Variants in SPOCK3 observed in about 807,000 individuals in gnomAD.
The protein encoded by SPOCK3 is testican-3.
A neutral mutation model predicts 56.6 loss-of-function variants in SPOCK3; 30 were observed. The ratio of observed to expected loss-of-function variants is 0.53; its 90% confidence interval spans 0.40 to 0.72. The LOEUF is 0.72. SPOCK3 is among the 30% of genes least tolerant of loss of function. The pLI, the probability that SPOCK3 is intolerant of heterozygous loss-of-function variation, is 0.00. For missense variants in SPOCK3, 527 were observed against 530.0 expected, an observed-to-expected ratio of 0.99 and a Z score of 0.06; for synonymous variants, 196 against 183.3, an observed-to-expected ratio of 1.07 and a Z score of -0.56.
intron 2 of SPOCK3, among the ~76,000 whole-genome samples, chr4:167,080,022 T>C (rs1757565608): frequency 6.6e-6 from 1 of 151,968 alleles, no homozygotes; most frequent in Non-Finnish European, 1.5e-5. Context: ...ATCTGCTATC[T>C]GGGGGGAGGA....
intron 3 of SPOCK3, among the ~76,000 whole-genome samples, chr4:167,018,420 G>GACA (rs1321452254): frequency 1.3e-5 from 2 of 152,008 alleles, no homozygotes. Flanking sequence ...AGTGGGATGA[G>GACA]GAAAATTCTT....
At chr4:167,117,844 G>A (rs1447671865) in intron 2 of SPOCK3, among the ~76,000 whole-genome samples, 4 of 152,120 alleles carry the variant, frequency 2.6e-5, no homozygotes, top group African/African-American at 9.7e-5. Flanking sequence ...GGAGAACAAA[G>A]TCTGACTAAA....
Position 166,889,122 on chromosome 4 carries a change from T to C in SPOCK3, c.589+8A>G. The C allele has an allele frequency of 1.3e-6, 2 of 1,520,490 alleles. No homozygotes were observed. Among genetic ancestry groups the C allele is most frequent in the Non-Finnish European group, 1.8e-6 (2 of 1,096,116 alleles). 94.2% of individuals were successfully genotyped at this position (1,520,490 alleles called of 1,614,324 possible). On this transcript the variant is annotated splice_region_variant and intron_variant, in intron 6 of 10. Transcript: ENST00000357545. ...ATGTAAAATTATAAATATATTTTTG[T>C]CACTTACCTCTCTTAACATTTCTGC...
intron 3 of SPOCK3, among the ~76,000 whole-genome samples, chr4:167,045,332 A>G (rs1240263430): frequency 1.3e-5 from 2 of 152,032 alleles, no homozygotes; most frequent in African/African-American, 4.8e-5. Flanking sequence ...CTTGTATTTG[A>G]CCCACTATGA....
chr4:166,775,387 T>C (rs2219238), intron 7 of SPOCK3, among the ~76,000 whole-genome samples: 95,628 of 151,988 alleles, frequency 0.63, 31,444 homozygotes, highest in Non-Finnish European at 0.74. Context: ...GCTGAAATAA[T>C]GGACTTGACA....
chr4:167,084,334 A>AT (rs1465519640), intron 2 of SPOCK3, among the ~76,000 whole-genome samples: 1 of 151,718 alleles, frequency 6.6e-6, no homozygotes, highest in Non-Finnish European at 1.5e-5. Flanking sequence ...ACTATTGCAT[A>AT]TTTTTTCTTT....
intron 2 of SPOCK3, among the ~76,000 whole-genome samples, chr4:167,198,249 C>A (rs1287832276): frequency 2.6e-5 from 4 of 151,812 alleles, no homozygotes; most frequent in Admixed American, 6.6e-5. Context: ...TGCTTAGTAT[C>A]AAAAAAAATT....
rs115771969 is a variant in SPOCK3 at position 166,926,890 on chromosome 4, C to A, written c.351-14147G>T. Among the ~76,000 whole-genome samples, 955 of 152,212 alleles carry A rather than the reference C, an allele frequency of 6.3e-3. 5 individuals carry two copies. The highest frequency in any genetic ancestry group is 7.6e-3 in the Non-Finnish European group (517 of 68,012). On this transcript the variant is annotated intron_variant, in intron 4 of 10. Transcript: ENST00000357545. ...TAAAGCAAGAGAGGAGTCTGTCTCT[C>A]TCGCGTTTCAACATTTCCGTAAGGT...
At chr4:167,205,322 ATATAATATATATTATATAT>A (rs1734018793) in intron 2 of SPOCK3, among the ~76,000 whole-genome samples, 1 of 50,606 alleles carries the variant, frequency 2.0e-5, no homozygotes, top group Non-Finnish European at 3.4e-5. Flanking sequence ...TATTTTATAT[ATATAATATATATTATATAT>A]TATATATATA....
At chr4:166,982,099 C>T (rs1022587051) in intron 4 of SPOCK3, among the ~76,000 whole-genome samples, 5 of 152,120 alleles carry the variant, frequency 3.3e-5, no homozygotes, top group South Asian at 2.1e-4. Context: ...ACAGCGCTCC[C>T]GCCCTGCTGA....
intron 3 of SPOCK3, among the ~76,000 whole-genome samples, chr4:167,027,627 C>T (rs534430017): frequency 1.3e-5 from 2 of 151,958 alleles, no homozygotes; most frequent in Non-Finnish European, 2.9e-5. Flanking sequence ...GAAGCCTTAC[C>T]GTTAACAGTC....
At chr4:167,204,345 A>C (rs1474122409) in intron 2 of SPOCK3, among the ~76,000 whole-genome samples, 1 of 152,120 alleles carries the variant, frequency 6.6e-6, no homozygotes, top group African/African-American at 2.4e-5. Context: ...GAGACTGAAT[A>C]ATTTATAAAG....
chr4:166,854,156 A>G (rs1430743969), intron 6 of SPOCK3, among the ~76,000 whole-genome samples: 2 of 152,136 alleles, frequency 1.3e-5, no homozygotes, highest in Non-Finnish European at 2.9e-5. Context: ...CTCCCTCCCA[A>G]AGCAAAGAAG....
At position 167,041,626 on chromosome 4, in the gene SPOCK3, T is replaced by C. The variant is rs557533107; in HGVS notation, c.235+20866A>G. Among the ~76,000 whole-genome samples the C allele has an allele frequency of 2.0e-5, 3 of 152,236 alleles. No individual in the cohort carries two copies. In the East Asian group the frequency reaches 5.8e-4, roughly 29 times the overall value. The stretch of plus-strand genomic sequence containing the variant: ...ATGTATGTGAAAAATACTCTGAAAA[T>C]GCTCTAACAAGGGGCAAAATCACTA... On this transcript the variant is annotated intron_variant, in intron 3 of 10. Coordinates refer to ENST00000357545, the MANE Select transcript of SPOCK3 (RefSeq NM_001040159.2).
intron 7 of SPOCK3, among the ~76,000 whole-genome samples, chr4:166,783,060 G>C (rs1448841658): frequency 6.6e-6 from 1 of 152,116 alleles, no homozygotes; most frequent in Non-Finnish European, 1.5e-5. Context: ...ATCTTTGTAT[G>C]AAAATGAAGT....
chr4:167,051,901 T>G (rs1754244091), intron 3 of SPOCK3, among the ~76,000 whole-genome samples: 2 of 152,226 alleles, frequency 1.3e-5, no homozygotes, highest in Admixed American at 6.5e-5. Context: ...ACTGAACACC[T>G]TCTAAATTAA....
intron 4 of SPOCK3, among the ~76,000 whole-genome samples, chr4:166,923,014 C>T (rs185501254): frequency 3.8e-4 from 58 of 152,282 alleles, no homozygotes; most frequent in African/African-American, 8.7e-4. Flanking sequence ...AATCTCTCAC[C>T]GTTAGGAATC....
intron 4 of SPOCK3, among the ~76,000 whole-genome samples, chr4:166,964,899 T>C (rs1404386484): frequency 6.6e-6 from 1 of 151,888 alleles, no homozygotes; most frequent in Non-Finnish European, 1.5e-5. Flanking sequence ...ATGCTATTAT[T>C]TTGTGACTCC....
At chr4:166,881,527 TC>T (rs1733691496) in intron 6 of SPOCK3, among the ~76,000 whole-genome samples, 2 of 152,058 alleles carry the variant, frequency 1.3e-5, no homozygotes, top group African/African-American at 2.4e-5. Context: ...TTATTTTCGC[TC>T]CACAAAACAT....
Sources: allele counts gnomAD v4.1 joint callset (sites outside exome capture counted in the v4.1 genomes callset), GRCh38; gene constraint gnomAD v4.1.1; transcripts MANE v1.5; gene names NCBI Gene and HGNC (gene_info 2026-07-23, HGNC 2026-07-21).